CFAP43: variants seen among roughly 807,000 people sequenced by gnomAD.
CFAP43 encodes cilia- and flagella-associated protein 43.
A neutral mutation model predicts 218.9 loss-of-function variants in CFAP43; 155 were observed. The observed-to-expected ratio is 0.71, with a 90% CI of 0.62 to 0.81. The LOEUF (loss-of-function observed/expected upper bound fraction) is 0.81, where lower values mean the gene tolerates loss of function less well. Among genes scored for constraint, CFAP43 ranks in the 30% least tolerant of loss-of-function variants. CFAP43 has a pLI of 0.00. For missense variants in CFAP43, 1,778 were observed against 1,954.3 expected, an observed-to-expected ratio of 0.91 and a Z score of 1.70; for synonymous variants, 645 against 681.3, an observed-to-expected ratio of 0.95 and a Z score of 0.83.
rs184322403 is a variant in CFAP43 at position 104,217,367 on chromosome 10, T to C, written c.417-2941A>G. On this transcript the variant is annotated intron_variant, in intron 3 of 37. Transcript: ENST00000357060. ...TTCTTTCTTTCTTTTTCTTTCTTTT[T>C]GAAATATCATTACTTTAGTGTTCCA... is the stretch of plus-strand genomic sequence containing the variant. Among the ~76,000 whole-genome samples the C allele has an allele frequency of 7.2e-4, 110 of 152,090 alleles. 1 individual carries two copies. Among genetic ancestry groups the C allele is most frequent in the Admixed American group, 5.0e-3 (76 of 15,284 alleles).
intron 27 of CFAP43, among the ~76,000 whole-genome samples, chr10:104,153,994 T>C (rs917397123): frequency 6.6e-6 from 1 of 152,226 alleles, no homozygotes; most frequent in Admixed American, 6.5e-5. Context: ...AGTTATGTTA[T>C]GTCCTTCTGT....
At chr10:104,228,273 CTA>C (rs1424936288) in intron 2 of CFAP43, among the ~76,000 whole-genome samples, 1 of 152,060 alleles carries the variant, frequency 6.6e-6, no homozygotes, top group Non-Finnish European at 1.5e-5. Context: ...GTTGAATAAT[CTA>C]TATTTTTTCT....
chr10:104,218,778 C>G (rs201951156), intron 3 of CFAP43: 164 of 549,088 alleles, frequency 3.0e-4, no homozygotes, highest in Admixed American at 1.3e-3. Context: ...CAAAATACAC[C>G]GGTGGTTTAG....
intron 20 of CFAP43, among the ~76,000 whole-genome samples, chr10:104,171,336 C>T (rs2089403356): frequency 6.6e-6 from 1 of 152,230 alleles, no homozygotes; most frequent in South Asian, 2.1e-4. Flanking sequence ...TTGAGATACT[C>T]TTGTCCTAAT....
chr10:104,187,499 GA>G lies in CFAP43; in HGVS notation c.1688-8del. On this transcript the variant is annotated splice_polypyrimidine_tract_variant and splice_region_variant and intron_variant, in intron 13 of 37. Transcript: ENST00000357060. Reference sequence around the variant, plus strand: ...TCAGCAAAGGTTGTGGAAACTATTAGATTTGGAAAAAGAAGAGAAATCACTT... The same window carrying G: ...TCAGCAAAGGTTGTGGAAACTATTAGTTTGGAAAAAGAAGAGAAATCACTT... 10 of 1,533,240 alleles carry G rather than the reference GA, an allele frequency of 6.5e-6. No homozygotes were observed. Among genetic ancestry groups the G allele is most frequent in the Non-Finnish European group, 7.9e-6 (9 of 1,144,590 alleles). The allele number at this position is 1,533,240 out of a possible 1,614,324, so 95.0% of individuals were successfully genotyped here.
rs1435785458 is a variant in CFAP43, at chr10:104,157,769, TGTGTGTGAGAGAGAGAGAGA to T, written c.3540+3248_3540+3267del. On this transcript the variant is annotated intron_variant, in intron 27 of 37. Transcript: ENST00000357060. ...GTGTGTGTGTGTGTGTGTGTGTGTGTGTGTGTGAGAGAGAGAGAGAGAGAGAGAGAGAGAGAGAGAATGAC... is the reference window on the plus strand; with the variant it reads ...GTGTGTGTGTGTGTGTGTGTGTGTGTGAGAGAGAGAGAGAGAGAGAATGAC... 5.9e-3 allele frequency among the ~76,000 whole-genome samples: 643 copies of T among 109,682 alleles called. 7 individuals are homozygous for T. Among genetic ancestry groups the T allele is most frequent in the Non-Finnish European group, 9.0e-3 (478 of 52,832 alleles). The allele number at this position is 109,682 out of a possible 152,430, so 72.0% of individuals were successfully genotyped here.
chr10:104,144,376 C>T (rs903484947), intron 31 of CFAP43, among the ~76,000 whole-genome samples: 3 of 152,272 alleles, frequency 2.0e-5, no homozygotes, highest in East Asian at 1.9e-4. Context: ...AACCGCCGGG[C>T]GAGATGGCTC....
At chr10:104,231,476 AGAG>A (rs759841794) in intron 1 of CFAP43, among the ~76,000 whole-genome samples, 4 of 152,172 alleles carry the variant, frequency 2.6e-5, no homozygotes, top group Non-Finnish European at 4.4e-5. Context: ...GCTAGAAAGG[AGAG>A]GAGATGAAGG....
intron 3 of CFAP43, among the ~76,000 whole-genome samples, chr10:104,217,354 T>C (rs2091043609): frequency 8.3e-6 from 1 of 119,948 alleles, no homozygotes; most frequent in Admixed American, 7.6e-5. Context: ...CTTTCTTTCT[T>C]TTTCTTTCTT....
chr10:104,166,135 A>G (rs1230475204), intron 23 of CFAP43, among the ~76,000 whole-genome samples: 3 of 152,160 alleles, frequency 2.0e-5, no homozygotes, highest in Non-Finnish European at 4.4e-5. Flanking sequence ...GCTCACTGGC[A>G]TGATCTCGGC....
intron 10 of CFAP43, among the ~76,000 whole-genome samples, chr10:104,195,651 T>G (rs1333342452): frequency 6.6e-6 from 1 of 152,218 alleles, no homozygotes; most frequent in Non-Finnish European, 1.5e-5. Flanking sequence ...CAAGATCCAT[T>G]TCTCAACTAG....
At chr10:104,140,272 G>A (rs1053340323) in intron 34 of CFAP43, among the ~76,000 whole-genome samples, 2 of 152,110 alleles carry the variant, frequency 1.3e-5, no homozygotes, top group Non-Finnish European at 1.5e-5. Flanking sequence ...AAAAACGATG[G>A]CATACTAGAA....
In CFAP43 at chr10:104,196,753, G is replaced by A; in HGVS notation, c.1293+100C>T. The A allele has an allele frequency of 7.0e-6, 7 of 995,872 alleles. No homozygotes were observed. In the South Asian group the frequency reaches 1.1e-4, roughly 16 times the overall value. The allele number at this position is 995,872 out of a possible 1,614,324, so 61.7% of individuals were successfully genotyped here. ...AAGGCAAAAATGCAGTGAGGCTTCG[G>A]TAACAAGTATTTCTACAGACTATTG... On this transcript the variant is annotated intron_variant, in intron 10 of 37. Coordinates refer to ENST00000357060, the MANE Select transcript of CFAP43 (RefSeq NM_025145.7).
At chr10:104,164,383 T>A in intron 23 of CFAP43, 83 bp from the exon 24 acceptor site, 5 of 1,109,268 alleles carry the variant, frequency 4.5e-6, no homozygotes, top group Non-Finnish European at 6.3e-6. Flanking sequence ...ACTTTCCCTC[T>A]AAAATCATTC....
intron 3 of CFAP43, among the ~76,000 whole-genome samples, chr10:104,217,639 G>A (rs926358370): frequency 2.0e-5 from 3 of 152,246 alleles, no homozygotes; most frequent in Non-Finnish European, 2.9e-5. Flanking sequence ...TTGTAGCTTC[G>A]ATCCCGGTAC....
At chr10:104,220,949 CGTGTGTGTGTGTGTGTGTGTGTGT>C (rs68093596) in intron 3 of CFAP43, among the ~76,000 whole-genome samples, 3 of 143,580 alleles carry the variant, frequency 2.1e-5, no homozygotes, top group East Asian at 2.1e-4. Flanking sequence ...TATGAGTGAG[CGTGTGTGTGTGTGTGTGTGTGTGT>C]GTGTGTGTGT....
intron 27 of CFAP43, among the ~76,000 whole-genome samples, chr10:104,154,417 A>T (rs2088432957): frequency 6.6e-6 from 1 of 152,222 alleles, no homozygotes; most frequent in South Asian, 2.1e-4. Flanking sequence ...AAATTAAGCT[A>T]CCTAACAGTG....
chr10:104,222,383 G>C (rs921358942), intron 3 of CFAP43, among the ~76,000 whole-genome samples: 2 of 152,170 alleles, frequency 1.3e-5, no homozygotes, highest in African/African-American at 4.8e-5. Flanking sequence ...CAGCACCCGA[G>C]GGTGCCATCG....
At chr10:104,210,062 G>A (rs569310087) in intron 5 of CFAP43, among the ~76,000 whole-genome samples, 1 of 151,982 alleles carries the variant, frequency 6.6e-6, no homozygotes, top group Non-Finnish European at 1.5e-5. Context: ...CAATGTAAAT[G>A]TTTTATAAAT....
Sources: gnomAD v4.1 joint callset for allele counts (sites outside exome capture counted in the v4.1 genomes callset) on GRCh38, gnomAD v4.1.1 for gene constraint, MANE v1.5 for transcripts, NCBI Gene and HGNC (gene_info 2026-07-23, HGNC 2026-07-21) for gene names.